CDH1: variants seen among roughly 807,000 people sequenced by gnomAD.
The protein encoded by CDH1 is cadherin 1, also known as cadherin-1.
CDH1 carries 35 observed loss-of-function variants against 84.5 expected under a neutral mutation model. That is an observed-to-expected ratio of 0.41 (90% CI 0.32 to 0.55). The LOEUF is 0.55. Among genes scored for constraint, CDH1 ranks in the 20% least tolerant of loss-of-function variants. The pLI, the probability that CDH1 is intolerant of heterozygous loss-of-function variation, is 0.19. For missense variants in CDH1, 994 were observed against 1,126.6 expected (o/e 0.88, Z 1.68); for synonymous variants, 417 against 439.0 (o/e 0.95, Z 0.63).
intron 13 of CDH1, among the ~76,000 whole-genome samples, chr16:68,825,741 C>T (rs1159404829): frequency 6.6e-6 from 1 of 151,104 alleles, no homozygotes; most frequent in African/African-American, 2.4e-5. Flanking sequence ...AATTACATTT[C>T]AGTGGCCTGG....
At chr16:68,744,636 C>G (rs1316174320) in intron 2 of CDH1, among the ~76,000 whole-genome samples, 1 of 152,138 alleles carries the variant, frequency 6.6e-6, no homozygotes, top group Non-Finnish European at 1.5e-5. Context: ...GGCATCTTCC[C>G]CAAATTCAGA....
At chr16:68,768,974 C>T (rs1276034697) in intron 2 of CDH1, among the ~76,000 whole-genome samples, 3 of 152,206 alleles carry the variant, frequency 2.0e-5, no homozygotes, top group African/African-American at 7.2e-5. Context: ...TCTGCTCAAA[C>T]TGCCCCAGTT....
chr16:68,831,369 C>A (rs1038140605), intron 15 of CDH1, among the ~76,000 whole-genome samples: 1 of 150,346 alleles, frequency 6.7e-6, no homozygotes, highest in Non-Finnish European at 1.5e-5. Context: ...GGATTACAGG[C>A]GTGAGCCACC....
At chr16:68,820,840 GA>G (rs760890618) in intron 11 of CDH1, among the ~76,000 whole-genome samples, 8 of 152,182 alleles carry the variant, frequency 5.3e-5, no homozygotes, top group Admixed American at 3.3e-4. Context: ...TCTGAGGTGG[GA>G]GATGGCTTGA....
intron 2 of CDH1, among the ~76,000 whole-genome samples, chr16:68,745,550 A>AAATATATAGATATATG (rs71253605): frequency 4.0e-5 from 2 of 50,498 alleles, no homozygotes; most frequent in African/African-American, 2.2e-4. Flanking sequence ...AAAAAAAAAA[A>AAATATATAGATATATG]TATATATATA....
chr16:68,817,812 A>G (rs766741816), intron 10 of CDH1, among the ~76,000 whole-genome samples: 10 of 152,228 alleles, frequency 6.6e-5, no homozygotes, highest in Non-Finnish European at 1.0e-4. Flanking sequence ...AGCCATGCCA[A>G]CGAAAGGCCA....
intron 2 of CDH1, among the ~76,000 whole-genome samples, chr16:68,754,173 A>G (rs984343717): frequency 6.6e-6 from 1 of 151,280 alleles, no homozygotes; most frequent in Non-Finnish European, 1.5e-5. Context: ...CTGTAATCCC[A>G]GCACTTTGGA....
intron 6 of CDH1, among the ~76,000 whole-genome samples, chr16:68,810,547 C>T (rs1244345003): frequency 6.6e-6 from 1 of 151,034 alleles, no homozygotes; most frequent in Non-Finnish European, 1.5e-5. Flanking sequence ...TAAGAACAAT[C>T]TTCCCTTTTT....
rs936761865 is a variant in CDH1, at chr16:68,835,196, G to A, written c.*1697G>A. ...GGGGTTAGTTGAGGGGTAGGGGGTA[G>A]TGAGGATCTTGATTTGGATCTCTTT... On this transcript the variant is annotated 3_prime_UTR_variant, in exon 16 of 16. Transcript: ENST00000261769. The A allele has an allele frequency of 2.2e-5, 5 of 231,112 alleles. No homozygotes were observed. Among genetic ancestry groups the A allele is most frequent in the Non-Finnish European group, 2.6e-5 (3 of 116,816 alleles). The allele number at this position is 231,112 out of a possible 1,614,324, so 14.3% of individuals were successfully genotyped here. A position where few individuals can be genotyped will look rare whatever the true frequency, so the allele number is the denominator to read the frequency against.
chr16:68,826,079 C>G (rs1418941541), intron 13 of CDH1, among the ~76,000 whole-genome samples: 1 of 152,028 alleles, frequency 6.6e-6, no homozygotes, highest in Non-Finnish European at 1.5e-5. Context: ...CTTGGCCTTC[C>G]AAAGTGTTGG....
In CDH1 at chr16:68,815,628, G is replaced by A. The variant is rs1960963649; in HGVS notation, c.1434G>A (p.Leu478=). The change falls in exon 10 of 16, where the codon CTG becomes CTA. Residue 478 remains leucine (L), a synonymous_variant. Coordinates refer to ENST00000261769, the MANE Select transcript of CDH1 (RefSeq NM_004360.5). ...TSTATVTVDV[L]DVNEAPIFVP... ...CAGCCACCGTCACCGTGGATGTGCT[G>A]GATGTGAATGAAGCCCCCATCTTTG... 6.2e-7 allele frequency: 1 copy of A among 1,614,190 alleles called. No homozygotes were observed. The highest frequency in any genetic ancestry group is 8.5e-7 in the Non-Finnish European group (1 of 1,180,046).
At chr16:68,795,151 A>G (rs1402245607) in intron 2 of CDH1, among the ~76,000 whole-genome samples, 1 of 152,184 alleles carries the variant, frequency 6.6e-6, no homozygotes, top group Non-Finnish European at 1.5e-5. Flanking sequence ...AATACTCATT[A>G]AAAGAACACA....
chr16:68,743,479 C>T (rs1962640898), intron 2 of CDH1, among the ~76,000 whole-genome samples: 1 of 152,012 alleles, frequency 6.6e-6, no homozygotes, highest in Admixed American at 6.6e-5. Flanking sequence ...GATTCTCCAG[C>T]CTCAGCCTCC....
rs1491171815 is a variant in CDH1, at chr16:68,745,547, A to AT, written c.163+7136_163+7137insT. On this transcript the variant is annotated intron_variant, in intron 2 of 15. Transcript: ENST00000261769. ...AGATCCTGTCTCAAAAAAAAAAAAAAAAATATATATATATATGTATATATA... is the reference window on the plus strand; with the variant it reads ...AGATCCTGTCTCAAAAAAAAAAAAAATAAATATATATATATATGTATATATA... Among the ~76,000 whole-genome samples the AT allele has an allele frequency of 8.4e-3, 184 of 21,970 alleles. 4 individuals are homozygous for AT. Among genetic ancestry groups the AT allele is most frequent in the African/African-American group, 0.015 (154 of 10,338 alleles). 14.4% of individuals were successfully genotyped at this position (21,970 alleles called of 152,430 possible). A position where few individuals can be genotyped will look rare whatever the true frequency, so the allele number is the denominator to read the frequency against.
chr16:68,810,235 T>C lies in CDH1; in HGVS notation c.726T>C (p.Val242=). ...SHAVSSNGNA[V]EDPMEILITV... ...CTGTGTCATCCAACGGGAATGCAGTTGAGGATCCAATGGAGATTTTGATCA... is the reference window on the plus strand; with the variant it reads ...CTGTGTCATCCAACGGGAATGCAGTCGAGGATCCAATGGAGATTTTGATCA... Residue 242 remains valine, a synonymous_variant, in exon 6 of 16, where the codon GTT becomes GTC. Coordinates refer to ENST00000261769, the MANE Select transcript of CDH1 (RefSeq NM_004360.5). 6.2e-7 allele frequency: 1 copy of C among 1,614,128 alleles called. No homozygotes were observed. The highest frequency in any genetic ancestry group is 1.1e-5 in the South Asian group (1 of 91,086).
rs139937234 is a variant in CDH1 at position 68,815,610 on chromosome 16, C to A, written c.1416C>A (p.Thr472=). 3 of 1,614,076 alleles carry A rather than the reference C, an allele frequency of 1.9e-6. No individual in the cohort carries two copies. The African/African-American group carries it at 4.0e-5, about 22-fold the overall frequency. The change falls in exon 10 of 16, where the codon ACC becomes ACA. Residue 472 remains threonine, a synonymous_variant. Transcript: ENST00000261769. The part of the protein sequence containing the change: ...FEVSLTTSTA[T]VTVDVLDVNE... ...TCTCTCTCACCACCTCCACAGCCACCGTCACCGTGGATGTGCTGGATGTGA... is the reference window on the plus strand; with the variant it reads ...TCTCTCTCACCACCTCCACAGCCACAGTCACCGTGGATGTGCTGGATGTGA...
At chr16:68,796,935 C>G (rs1960378154) in intron 2 of CDH1, among the ~76,000 whole-genome samples, 2 of 151,780 alleles carry the variant, frequency 1.3e-5, no homozygotes, top group South Asian at 4.2e-4. Flanking sequence ...GCCAGGAGTT[C>G]AAGACCAGCC....
intron 2 of CDH1, among the ~76,000 whole-genome samples, chr16:68,797,961 C>T (rs898173723): frequency 1.5e-4 from 23 of 151,986 alleles, no homozygotes; most frequent in African/African-American, 5.6e-4. Flanking sequence ...CACCTGTAAT[C>T]CCCGCTACTC....
intron 15 of CDH1, among the ~76,000 whole-genome samples, chr16:68,830,813 G>A (rs1157917281): frequency 6.6e-6 from 1 of 152,138 alleles, no homozygotes; most frequent in East Asian, 1.9e-4. Context: ...CAACAAGGGA[G>A]TTGTCCAACC....
Sources: allele counts gnomAD v4.1 joint callset (sites outside exome capture counted in the v4.1 genomes callset), GRCh38; gene constraint gnomAD v4.1.1; transcripts MANE v1.5; gene names NCBI Gene and HGNC (gene_info 2026-07-23, HGNC 2026-07-21).